The following STAG1 variants were observed in gnomAD, a reference collection of about 807,000 sequenced individuals.
STAG1 encodes the protein STAG1 cohesin complex component, also known as cohesin subunit SA-1.
In STAG1, 26 loss-of-function variants were observed where a neutral mutation model predicts 170.9. That is an observed-to-expected ratio of 0.15 (90% CI 0.11 to 0.21). The LOEUF is 0.21. STAG1 is among the 10% of genes least tolerant of loss of function. STAG1 has a pLI of 1.00. For missense variants in STAG1, 964 were observed against 1,509.5 expected (o/e 0.64, Z 5.99); for synonymous variants, 514 against 497.7 (o/e 1.03, Z -0.44).
At chr3:136,338,474 A>AATT in intron 32 of STAG1, 24 bp from the exon 33 acceptor site, 1 of 1,580,990 alleles carries the variant, frequency 6.3e-7, no homozygotes, top group Non-Finnish European at 8.7e-7. Flanking sequence ...TCGGTTTCTT[A>AATT]ATTTTTTTCT....
At chr3:136,524,426 G>A (rs1934878888) in intron 6 of STAG1, among the ~76,000 whole-genome samples, 1 of 152,146 alleles carries the variant, frequency 6.6e-6, no homozygotes, top group African/African-American at 2.4e-5. Flanking sequence ...GAATGCTTGT[G>A]ATTTTTCCAC....
At chr3:136,555,295 T>TG in intron 5 of STAG1, among the ~76,000 whole-genome samples, 1 of 151,736 alleles carries the variant, frequency 6.6e-6, no homozygotes, top group African/African-American at 2.4e-5. Flanking sequence ...GAGAATCTCT[T>TG]GAAGTCCTGA....
chr3:136,506,902 C>T lies in STAG1; in HGVS notation c.677-4123G>A, dbSNP rs974615533. ...TATTTGTGTGTTGTAAACAAAAGAT[C>T]ACCAAGATATTTGTTAATGGAAAAA... On this transcript the variant is annotated intron_variant, in intron 7 of 33. Transcript: ENST00000383202. Among the ~76,000 whole-genome samples, 24 of 152,042 alleles carry T rather than the reference C, an allele frequency of 1.6e-4. 2 individuals carry two copies. The highest frequency in any genetic ancestry group is 2.4e-5 in the African/African-American group (1 of 41,398).
chr3:136,569,350 A>G (rs1165908080), intron 4 of STAG1, among the ~76,000 whole-genome samples: 1 of 151,922 alleles, frequency 6.6e-6, no homozygotes, highest in Non-Finnish European at 1.5e-5. Context: ...AAAGAAAAAT[A>G]AAACAATTAT....
At chr3:136,369,316 T>G in intron 23 of STAG1, 34 bp from the exon 24 acceptor site, 2 of 1,512,910 alleles carry the variant, frequency 1.3e-6, no homozygotes, top group Non-Finnish European at 1.8e-6. Flanking sequence ...AGCAAAATAT[T>G]ACACAAATAT....
intron 15 of STAG1, among the ~76,000 whole-genome samples, chr3:136,438,509 G>A (rs1419549436): frequency 6.6e-6 from 1 of 152,132 alleles, no homozygotes; most frequent in Non-Finnish European, 1.5e-5. Flanking sequence ...AAAGGCATGA[G>A]CTACCGTGCC....
intron 5 of STAG1, among the ~76,000 whole-genome samples, chr3:136,554,762 G>A (rs984284817): frequency 3.3e-5 from 5 of 152,048 alleles, no homozygotes; most frequent in Admixed American, 6.6e-5. Flanking sequence ...TGGTGTGGTG[G>A]CACACACTTG....
intron 7 of STAG1, among the ~76,000 whole-genome samples, chr3:136,511,609 A>T (rs1257312120): frequency 6.6e-6 from 1 of 152,198 alleles, no homozygotes; most frequent in Admixed American, 6.5e-5. Flanking sequence ...GAAAGCATGA[A>T]CACACAGACA....
rs1243936191 is a variant in STAG1, at chr3:136,473,641, C to G, written c.1027-4G>C. ...ACTTCAGCCTGACTTCCCCTTGCTTCAGAAATACAAATAAAAGCACAACAG... is the reference window on the plus strand; with the variant it reads ...ACTTCAGCCTGACTTCCCCTTGCTTGAGAAATACAAATAAAAGCACAACAG... On this transcript the variant is annotated splice_region_variant and splice_polypyrimidine_tract_variant and intron_variant, in intron 10 of 33. Coordinates refer to ENST00000383202, the MANE Select transcript of STAG1 (RefSeq NM_005862.3). 5 of 1,606,662 alleles carry G rather than the reference C, an allele frequency of 3.1e-6. No individual in the cohort carries two copies. In the Admixed American group the frequency reaches 6.7e-5, roughly 22 times the overall value.
intron 4 of STAG1, among the ~76,000 whole-genome samples, chr3:136,579,025 G>T (rs1294470067): frequency 3.9e-5 from 6 of 152,174 alleles, no homozygotes; most frequent in Admixed American, 3.9e-4. Context: ...TCAAAGACTT[G>T]AAAGAAGCAG....
At chr3:136,580,027 G>C (rs1438499314) in intron 4 of STAG1, among the ~76,000 whole-genome samples, 1 of 131,444 alleles carries the variant, frequency 7.6e-6, no homozygotes, top group East Asian at 2.2e-4. Flanking sequence ...GAGTCCAGTG[G>C]TGCGATCTCG....
chr3:136,561,593 T>C (rs541151380), intron 5 of STAG1, among the ~76,000 whole-genome samples: 3 of 152,344 alleles, frequency 2.0e-5, no homozygotes, highest in African/African-American at 7.2e-5. Flanking sequence ...TTGCTTATAA[T>C]AGTTTTGCAA....
chr3:136,665,575 C>T (rs1400429653), intron 1 of STAG1, among the ~76,000 whole-genome samples: 1 of 151,448 alleles, frequency 6.6e-6, no homozygotes, highest in Non-Finnish European at 1.5e-5. Flanking sequence ...GTCAGGAGAT[C>T]GAGACCACCC....
At chr3:136,546,167 T>C (rs569441934) in intron 5 of STAG1, among the ~76,000 whole-genome samples, 20 of 152,324 alleles carry the variant, frequency 1.3e-4, no homozygotes, top group African/African-American at 4.6e-4. Flanking sequence ...ATTTTCACCA[T>C]ATCTTCAAGA....
chr3:136,639,844 G>A (rs868068550), intron 1 of STAG1, among the ~76,000 whole-genome samples: 14 of 152,220 alleles, frequency 9.2e-5, no homozygotes, highest in Middle Eastern at 3.4e-3. Flanking sequence ...CATCACTGAA[G>A]ACCAATCTTT....
chr3:136,485,425 C>G (rs973150630), intron 9 of STAG1, among the ~76,000 whole-genome samples: 1 of 152,006 alleles, frequency 6.6e-6, no homozygotes. Flanking sequence ...CCACTGCACT[C>G]CAGCCTGGGT....
chr3:136,345,688 T>C (rs745829510), intron 29 of STAG1, among the ~76,000 whole-genome samples: 14 of 152,180 alleles, frequency 9.2e-5, no homozygotes, highest in Non-Finnish European at 1.3e-4. Context: ...TTAATCCCAA[T>C]ACATAGTATG....
At chr3:136,478,662 T>C (rs1018633997) in intron 9 of STAG1, among the ~76,000 whole-genome samples, 1 of 152,206 alleles carries the variant, frequency 6.6e-6, no homozygotes, top group Admixed American at 6.5e-5. Context: ...TTCCTTGCTC[T>C]AATAAGTCTC....
intron 3 of STAG1, among the ~76,000 whole-genome samples, chr3:136,620,390 A>G (rs1049412685): frequency 2.0e-5 from 3 of 152,202 alleles, no homozygotes; most frequent in Non-Finnish European, 4.4e-5. Flanking sequence ...TCATTCTGAC[A>G]ATTATAACTC....
Sources: gnomAD v4.1 joint callset for allele counts (sites outside exome capture counted in the v4.1 genomes callset) on GRCh38, gnomAD v4.1.1 for gene constraint, MANE v1.5 for transcripts, NCBI Gene and HGNC (gene_info 2026-07-23, HGNC 2026-07-21) for gene names.